SPIDR: variants seen among roughly 807,000 people sequenced by gnomAD.
SPIDR encodes DNA repair-scaffolding protein.
A neutral mutation model predicts 104.6 loss-of-function variants in SPIDR; 93 were observed. That is an observed-to-expected ratio of 0.89 (90% confidence interval 0.75 to 1.06). The LOEUF is 1.06. Among genes scored for constraint, SPIDR ranks in the 50% least tolerant of loss-of-function variants. SPIDR has a pLI of 0.00. For synonymous variants in SPIDR, 431 were observed against 416.9 expected, an observed-to-expected ratio of 1.03 and a Z score of -0.41; for missense variants, 1,154 against 1,111.2, an observed-to-expected ratio of 1.04 and a Z score of -0.55.
In SPIDR at chr8:47,396,353, C is replaced by T. The variant is rs144058164; in HGVS notation, c.526-23C>T. ...AGTATCCTTTGTATTTAAAAATATG[C>T]CTTTCTTTTAATTTTTTTTCAGCCA... is the stretch of plus-strand genomic sequence containing the variant. On this transcript the variant is annotated intron_variant, in intron 5 of 19. Transcript: ENST00000297423. 2.0e-4 allele frequency: 300 copies of T among 1,533,046 alleles called. 2 individuals carry two copies. The African/African-American group carries it at 3.8e-3, about 20-fold the overall frequency. The allele number at this position is 1,533,046 out of a possible 1,614,324, so 95.0% of individuals were successfully genotyped here.
At chr8:47,648,210 C>G (rs1450070615) in intron 10 of SPIDR, among the ~76,000 whole-genome samples, 1 of 152,042 alleles carries the variant, frequency 6.6e-6, no homozygotes, top group Non-Finnish European at 1.5e-5. Context: ...ACTTAGCACT[C>G]TGAATGATTG....
chr8:47,291,465 C>T (rs1165385598), intron 4 of SPIDR, among the ~76,000 whole-genome samples: 2 of 152,144 alleles, frequency 1.3e-5, no homozygotes, highest in Non-Finnish European at 2.9e-5. Context: ...ACTAAACATG[C>T]AATTACCATA....
At chr8:47,326,380 C>T (rs913647419) in intron 5 of SPIDR, among the ~76,000 whole-genome samples, 1 of 152,142 alleles carries the variant, frequency 6.6e-6, no homozygotes, top group African/African-American at 2.4e-5. Flanking sequence ...AGCCTTGCCA[C>T]GTACATACAC....
intron 1 of SPIDR, among the ~76,000 whole-genome samples, chr8:47,278,171 G>A (rs1213440840): frequency 7.5e-6 from 1 of 132,576 alleles, no homozygotes; most frequent in East Asian, 2.2e-4. Context: ...CTTGCTTTTT[G>A]TTTTTGGAGA....
At chr8:47,669,895 G>C (rs913423685) in intron 10 of SPIDR, among the ~76,000 whole-genome samples, 1 of 151,104 alleles carries the variant, frequency 6.6e-6, no homozygotes, top group Non-Finnish European at 1.5e-5. Context: ...AGCTACTCGG[G>C]AGGCTGAGGC....
chr8:47,560,451 T>C (rs754040713), intron 8 of SPIDR, among the ~76,000 whole-genome samples: 42 of 152,296 alleles, frequency 2.8e-4, no homozygotes, highest in Admixed American at 2.6e-4. Flanking sequence ...CTCTTGCAGC[T>C]GGCTGTTGCT....
intron 8 of SPIDR, among the ~76,000 whole-genome samples, chr8:47,491,744 A>G (rs2078750556): frequency 6.6e-6 from 1 of 152,102 alleles, no homozygotes; most frequent in Non-Finnish European, 1.5e-5. Flanking sequence ...AGCTGCTCCA[A>G]GAGGCTGAGG....
intron 8 of SPIDR, among the ~76,000 whole-genome samples, chr8:47,580,223 GGATAAA>G (rs2059571363): frequency 6.6e-6 from 1 of 152,116 alleles, no homozygotes; most frequent in African/African-American, 2.4e-5. Context: ...ATATTTAGGA[GGATAAA>G]GATAATAGGT....
chr8:47,514,689 A>G (rs951948395), intron 8 of SPIDR, among the ~76,000 whole-genome samples: 5 of 152,348 alleles, frequency 3.3e-5, no homozygotes, highest in Middle Eastern at 6.8e-3. Context: ...AGAAATCAGA[A>G]TATGATGAGG....
chr8:47,592,310 G>C, intron 8 of SPIDR: 1 of 1,106,610 alleles, frequency 9.0e-7, no homozygotes, highest in South Asian at 1.2e-5. Context: ...CGGATCTGCA[G>C]TGCTGGGGAC....
At position 47,312,290 on chromosome 8, in the gene SPIDR, G is replaced by A. The variant is rs1200855804; in HGVS notation, c.525+18260G>A. On this transcript the variant is annotated intron_variant, in intron 5 of 19. Coordinates refer to ENST00000297423, the MANE Select transcript of SPIDR (RefSeq NM_001080394.4). ...TCTAGTTCTAGATCCCTGAGGAATC[G>A]CCACACTGACTTCCACAATGGTTGA... is the stretch of plus-strand genomic sequence containing the variant. 5.9e-5 allele frequency among the ~76,000 whole-genome samples: 9 copies of A among 152,056 alleles called. No individual in the cohort carries two copies. The East Asian group carries it at 9.6e-4, about 16-fold the overall frequency.
intron 16 of SPIDR, among the ~76,000 whole-genome samples, chr8:47,725,461 G>T (rs576850667): frequency 6.6e-6 from 1 of 152,024 alleles, no homozygotes; most frequent in South Asian, 2.1e-4. Context: ...GCGTGATCTC[G>T]GCTGACTACA....
intron 5 of SPIDR, among the ~76,000 whole-genome samples, chr8:47,328,110 A>G (rs1001467083): frequency 5.3e-5 from 8 of 150,992 alleles, no homozygotes; most frequent in South Asian, 2.1e-4. Context: ...TGTTGCTCAT[A>G]ATCTTGGTGT....
At chr8:47,459,763 G>T (rs2073635726) in intron 8 of SPIDR, among the ~76,000 whole-genome samples, 1 of 151,890 alleles carries the variant, frequency 6.6e-6, no homozygotes, top group Admixed American at 6.6e-5. Context: ...TTTTTGTTGT[G>T]GGCATTTAAG....
intron 14 of SPIDR, among the ~76,000 whole-genome samples, chr8:47,705,407 C>T (rs913596955): frequency 3.9e-5 from 6 of 152,182 alleles, no homozygotes; most frequent in African/African-American, 1.4e-4. Context: ...GGAACAGGTT[C>T]CATGATCCAC....
intron 5 of SPIDR, among the ~76,000 whole-genome samples, chr8:47,350,226 T>G (rs557173731): frequency 2.6e-5 from 4 of 152,340 alleles, no homozygotes; most frequent in African/African-American, 9.6e-5. Context: ...CCCAAGAAAA[T>G]GCTCTGAGCA....
chr8:47,508,970 T>C (rs2081912510), intron 8 of SPIDR, among the ~76,000 whole-genome samples: 1 of 152,062 alleles, frequency 6.6e-6, no homozygotes, highest in East Asian at 1.9e-4. Flanking sequence ...AAAATGGAAG[T>C]GTTCTTTCTT....
intron 11 of SPIDR, among the ~76,000 whole-genome samples, chr8:47,694,235 T>G (rs2079041525): frequency 6.6e-6 from 1 of 152,238 alleles, no homozygotes; most frequent in African/African-American, 2.4e-5. Context: ...TAATAATGAT[T>G]CAGCAACAAA....
At chr8:47,345,040 G>A (rs531180423) in intron 5 of SPIDR, among the ~76,000 whole-genome samples, 33 of 152,336 alleles carry the variant, frequency 2.2e-4, no homozygotes, top group South Asian at 2.1e-3. Flanking sequence ...CCTTGCCCAT[G>A]CCTATGTCCT....
Sources: allele counts gnomAD v4.1 joint callset (sites outside exome capture counted in the v4.1 genomes callset), GRCh38; gene constraint gnomAD v4.1.1; transcripts MANE v1.5; gene names NCBI Gene and HGNC (gene_info 2026-07-23, HGNC 2026-07-21).